UBR2: variants seen among roughly 807,000 people sequenced by gnomAD.
UBR2 encodes the protein E3 ubiquitin-protein ligase UBR2.
In UBR2, 92 loss-of-function variants were observed where a neutral mutation model predicts 247.9. The observed-to-expected ratio is 0.37, with a 90% confidence interval of 0.31 to 0.44. The LOEUF (loss-of-function observed/expected upper bound fraction) is 0.44, where lower values mean the gene tolerates loss of function less well. Among genes scored for constraint, UBR2 ranks in the 20% least tolerant of loss-of-function variants. The probability of loss-of-function intolerance (pLI) is 1.00; values close to 1 mark genes in which losing one functional copy is unlikely to be tolerated. For missense variants in UBR2, 1,613 were observed against 2,112.6 expected (o/e 0.76, Z 4.64); for synonymous variants, 672 against 693.5 (o/e 0.97, Z 0.49).
chr6:42,650,202 T>C (rs1285806939), intron 22 of UBR2, 82 bp from the exon 23 acceptor site: 1 of 1,168,344 alleles, frequency 8.6e-7, no homozygotes, highest in Non-Finnish European at 1.2e-6. Flanking sequence ...AGCTCTGCTT[T>C]CTTGTTCTAA....
At chr6:42,581,618 C>T (rs969003995) in intron 2 of UBR2, among the ~76,000 whole-genome samples, 1 of 152,186 alleles carries the variant, frequency 6.6e-6, no homozygotes, top group Non-Finnish European at 1.5e-5. Context: ...TGAGCTACTG[C>T]GCCCACCCTG....
intron 39 of UBR2, 65 bp from the exon 40 acceptor site, chr6:42,676,718 T>A: frequency 8.1e-7 from 1 of 1,235,912 alleles, no homozygotes. Context: ...ATGCTTAATG[T>A]CTTCAGTCCT....
At chr6:42,614,403 CGTATGTAT>C (rs1794379553) in intron 8 of UBR2, among the ~76,000 whole-genome samples, 1 of 62,530 alleles carries the variant, frequency 1.6e-5, no homozygotes. Context: ...TACATACATA[CGTATGTAT>C]GTACGTACGT....
chr6:42,686,514 T>C (rs915018299), intron 44 of UBR2, among the ~76,000 whole-genome samples: 1 of 152,186 alleles, frequency 6.6e-6, no homozygotes, highest in African/African-American at 2.4e-5. Context: ...GATCTCTCTT[T>C]CTTTTCCCCA....
intron 15 of UBR2, 96 bp from the exon 16 acceptor site, chr6:42,640,113 A>G: frequency 4.3e-6 from 4 of 939,292 alleles, no homozygotes; most frequent in Non-Finnish European, 6.5e-6. Flanking sequence ...CAAAGAGAAA[A>G]GAAGTTAGAT....
chr6:42,676,280 T>A (rs1798717489), intron 39 of UBR2, 89 bp downstream of exon 39: 6 of 1,395,004 alleles, frequency 4.3e-6, no homozygotes, highest in Non-Finnish European at 5.7e-6. Flanking sequence ...GGTATTTGGA[T>A]GAGAATAACA....
chr6:42,659,954 A>G lies in UBR2; in HGVS notation c.3442+99A>G. On this transcript the variant is annotated intron_variant, in intron 30 of 46. Coordinates refer to ENST00000372901, the MANE Select transcript of UBR2 (RefSeq NM_001363705.2). This position sits in a 1 kb window ranked among gnomAD's most constrained non-coding sequence, Gnocchi z 4.3. ...ATTTTTTAAACCTAAAAATAACTCC[A>G]TGGACTTGGATGGTATCTTTGGCAG... The G allele has an allele frequency of 5.3e-6, 6 of 1,123,280 alleles. No homozygotes were observed. The highest frequency in any genetic ancestry group is 3.0e-5 in the South Asian group (2 of 66,380). 69.6% of individuals were successfully genotyped at this position (1,123,280 alleles called of 1,614,324 possible). A position where few individuals can be genotyped will look rare whatever the true frequency, so the allele number is the denominator to read the frequency against.
intron 2 of UBR2, among the ~76,000 whole-genome samples, chr6:42,589,706 G>A (rs1050129520): frequency 3.3e-5 from 5 of 152,124 alleles, no homozygotes; most frequent in Admixed American, 2.0e-4. Flanking sequence ...CAGATTGTTT[G>A]TACTCATTTT....
chr6:42,627,153 G>A (rs562961196), intron 11 of UBR2, among the ~76,000 whole-genome samples: 1 of 152,098 alleles, frequency 6.6e-6, no homozygotes, highest in Non-Finnish European at 1.5e-5. Flanking sequence ...GGTCCAGGGT[G>A]GAATCACAGG....
intron 2 of UBR2, among the ~76,000 whole-genome samples, chr6:42,585,331 C>A (rs1015086185): frequency 7.9e-5 from 12 of 152,160 alleles, no homozygotes; most frequent in Middle Eastern, 3.4e-3. Context: ...TTGCTGGATT[C>A]AACTCGTTAA....
chr6:42,669,231 T>C (rs1365039545), intron 34 of UBR2, among the ~76,000 whole-genome samples: 2 of 152,162 alleles, frequency 1.3e-5, no homozygotes, highest in Non-Finnish European at 2.9e-5. Context: ...GGCTTGTAAC[T>C]CTGTTACTTC....
At chr6:42,628,878 G>A (rs935794185) in intron 11 of UBR2, among the ~76,000 whole-genome samples, 1 of 152,082 alleles carries the variant, frequency 6.6e-6, no homozygotes, top group African/African-American at 2.4e-5. Context: ...TTATTATTCA[G>A]TTGTATTTTT....
chr6:42,607,704 TCCCAG>T (rs1562303996), intron 7 of UBR2, among the ~76,000 whole-genome samples: 2 of 41,970 alleles, frequency 4.8e-5, no homozygotes, highest in Admixed American at 2.1e-4. Flanking sequence ...GTCCCACCAC[TCCCAG>T]CTGTTTTTTT....
intron 5 of UBR2, 73 bp from the exon 6 acceptor site, chr6:42,605,648 G>T (rs1296314348): frequency 7.1e-7 from 1 of 1,417,048 alleles, no homozygotes; most frequent in Admixed American, 2.1e-5. Flanking sequence ...GGACAAAGTA[G>T]TCTCTTAATA....
Position 42,637,046 on chromosome 6 carries a change from C to A in UBR2, c.1710C>A (p.Leu570=). The change falls in exon 15 of 47, where the codon CTC becomes CTA. Residue 570 remains leucine, a synonymous_variant. Coordinates refer to ENST00000372901, the MANE Select transcript of UBR2 (RefSeq NM_001363705.2). The stretch of plus-strand genomic sequence containing the variant: ...TAATCGAAGCTTACAAGAAATGTCT[C>A]GCTGTACTGATGCAGTGTCATGGTG... ...KVLIEAYKKC[L]AVLMQCHGGY... 6.2e-7 allele frequency: 1 copy of A among 1,613,436 alleles called. No homozygotes were observed. The highest frequency in any genetic ancestry group is 8.5e-7 in the Non-Finnish European group (1 of 1,179,692).
intron 2 of UBR2, among the ~76,000 whole-genome samples, chr6:42,591,147 G>C (rs1322642570): frequency 6.6e-6 from 1 of 152,196 alleles, no homozygotes. Flanking sequence ...AGCTACCAGG[G>C]AGGCTGAGAT....
intron 11 of UBR2, chr6:42,620,041 G>T: frequency 2.1e-6 from 2 of 941,188 alleles, no homozygotes; most frequent in Non-Finnish European, 2.5e-6. Flanking sequence ...TCTTATATCT[G>T]TCTGGTCTAT....
At chr6:42,601,875 CTTT>C (rs534921007) in intron 4 of UBR2, among the ~76,000 whole-genome samples, 4 of 120,072 alleles carry the variant, frequency 3.3e-5, no homozygotes, top group Non-Finnish European at 1.8e-5. Flanking sequence ...TTTTTTTTTT[CTTT>C]TTTTTTTTTT....
chr6:42,682,001 G>A lies in UBR2; in HGVS notation c.4719-1054G>A, dbSNP rs528088993. On this transcript the variant is annotated intron_variant, in intron 42 of 46. Transcript: ENST00000372901. ...AGGCAGGAGAATCACTTGAACCTGGGAGGCGGAGGTTGCAGTGAGCCAAGA... is the reference window on the plus strand; with the variant it reads ...AGGCAGGAGAATCACTTGAACCTGGAAGGCGGAGGTTGCAGTGAGCCAAGA... 8.2e-4 allele frequency among the ~76,000 whole-genome samples: 125 copies of A among 152,302 alleles called. 1 individual carries two copies. Among genetic ancestry groups the A allele is most frequent in the African/African-American group, 2.8e-3 (118 of 41,548 alleles).
Sources: allele counts gnomAD v4.1 joint callset (sites outside exome capture counted in the v4.1 genomes callset), GRCh38; gene constraint gnomAD v4.1.1; non-coding constraint Gnocchi (gnomAD v3.1); transcripts MANE v1.5; gene names NCBI Gene and HGNC (gene_info 2026-07-23, HGNC 2026-07-21).